Variants in PAMR1 observed in about 807,000 individuals in gnomAD.
PAMR1 encodes the protein peptidase domain containing associated with muscle regeneration 1.
Under a neutral mutation model 81.8 loss-of-function variants are expected in PAMR1, and 88 were observed. The observed-to-expected ratio is 1.08, with a 90% confidence interval of 0.91 to 1.28. The LOEUF is 1.28. Among genes scored for constraint, PAMR1 ranks in the 50% most tolerant of loss-of-function variants. PAMR1 has a pLI of 0.00. For synonymous variants in PAMR1, 336 were observed against 345.3 expected (o/e 0.97, Z 0.30); for missense variants, 935 against 919.7 (o/e 1.02, Z -0.21).
intron 3 of PAMR1, among the ~76,000 whole-genome samples, chr11:35,488,202 T>C (rs1850547074): frequency 6.8e-6 from 1 of 146,010 alleles, no homozygotes; most frequent in Non-Finnish European, 1.5e-5. Flanking sequence ...CCCATCTTTT[T>C]TTTTTTTTTT....
At chr11:35,458,432 G>A (rs1856580176) in intron 6 of PAMR1, among the ~76,000 whole-genome samples, 1 of 152,140 alleles carries the variant, frequency 6.6e-6, no homozygotes, top group Admixed American at 6.6e-5. Flanking sequence ...TACAAAACAT[G>A]TATTTCTTTT....
chr11:35,499,042 G>A (rs921116450), intron 1 of PAMR1, among the ~76,000 whole-genome samples: 4 of 152,202 alleles, frequency 2.6e-5, no homozygotes, highest in African/African-American at 7.2e-5. Flanking sequence ...GCCAGGGCAG[G>A]GCTGGCTGGC....
upstream of PAMR1, among the ~76,000 whole-genome samples, chr11:35,528,000 C>T (rs1475926921): frequency 6.6e-6 from 1 of 151,998 alleles, no homozygotes; most frequent in East Asian, 1.9e-4. Flanking sequence ...CTTCCCTCTC[C>T]CCACCTCCCA....
chr11:35,444,076 G>A (rs1856240450), intron 6 of PAMR1, among the ~76,000 whole-genome samples: 1 of 152,182 alleles, frequency 6.6e-6, no homozygotes, highest in Non-Finnish European at 1.5e-5. Context: ...GAGGCATCAT[G>A]CTAACTGACT....
intron 1 of PAMR1, among the ~76,000 whole-genome samples, chr11:35,521,405 G>A (rs920530280): frequency 6.6e-5 from 10 of 152,108 alleles, no homozygotes; most frequent in African/African-American, 2.2e-4. Flanking sequence ...CAGAAATGGA[G>A]GTCAAAACTT....
intron 1 of PAMR1, among the ~76,000 whole-genome samples, chr11:35,499,686 T>C (rs538437651): frequency 6.6e-6 from 1 of 152,272 alleles, no homozygotes; most frequent in East Asian, 1.9e-4. Context: ...TTTACTCCAT[T>C]ACTGTTTACT....
chr11:35,485,601 A>C (rs1565347645), intron 3 of PAMR1, among the ~76,000 whole-genome samples: 1 of 152,246 alleles, frequency 6.6e-6, no homozygotes. Context: ...TTATGCATGA[A>C]TCAATTCCAT....
chr11:35,446,283 AC>A (rs1438022110), intron 6 of PAMR1, among the ~76,000 whole-genome samples: 1 of 152,176 alleles, frequency 6.6e-6, no homozygotes, highest in Non-Finnish European at 1.5e-5. Flanking sequence ...TATTCAAAAA[AC>A]CAGCTCCTGG....
chr11:35,490,782 A>T (rs115066445), intron 3 of PAMR1, among the ~76,000 whole-genome samples: 2 of 152,074 alleles, frequency 1.3e-5, no homozygotes, highest in Non-Finnish European at 2.9e-5. Context: ...ACATTATCTC[A>T]TTTAATCCTC....
At chr11:35,449,158 T>C (rs1856358873) in intron 6 of PAMR1, among the ~76,000 whole-genome samples, 1 of 152,218 alleles carries the variant, frequency 6.6e-6, no homozygotes, top group Non-Finnish European at 1.5e-5. Flanking sequence ...TGGCTGCCCC[T>C]TGGCAGAGCA....
chr11:35,481,173 C>A (rs1850383560), intron 3 of PAMR1, among the ~76,000 whole-genome samples: 3 of 152,286 alleles, frequency 2.0e-5, no homozygotes, highest in African/African-American at 7.2e-5. Context: ...CATACATGTG[C>A]ATATGTCTCT....
chr11:35,492,400 G>C, intron 2 of PAMR1, among the ~76,000 whole-genome samples: 1 of 152,188 alleles, frequency 6.6e-6, no homozygotes, highest in East Asian at 1.9e-4. Flanking sequence ...GAGTATCCCA[G>C]GTAGTGGCTG....
At chr11:35,460,986 C>G (rs1404834714) in intron 6 of PAMR1, among the ~76,000 whole-genome samples, 1 of 152,190 alleles carries the variant, frequency 6.6e-6, no homozygotes, top group Admixed American at 6.5e-5. Context: ...TGTTTCCTGA[C>G]TTTTTAATGA....
At chr11:35,519,988 G>A (rs1390175071) in intron 1 of PAMR1, among the ~76,000 whole-genome samples, 2 of 152,058 alleles carry the variant, frequency 1.3e-5, no homozygotes, top group Non-Finnish European at 2.9e-5. Flanking sequence ...ATGAAGTGGG[G>A]GCAAACAACA....
chr11:35,454,412 T>G (rs144255684), intron 6 of PAMR1, among the ~76,000 whole-genome samples: 239 of 152,304 alleles, frequency 1.6e-3, no homozygotes, highest in African/African-American at 5.4e-3. Flanking sequence ...GAGGTGTAAT[T>G]TATACCCCTC....
At chr11:35,469,247 T>A (rs372246504) in intron 5 of PAMR1, among the ~76,000 whole-genome samples, 1 of 152,132 alleles carries the variant, frequency 6.6e-6, no homozygotes, top group Non-Finnish European at 1.5e-5. Context: ...CAGGGATGTT[T>A]GAAAAATGGG....
At chr11:35,484,103 A>G (rs942591763) in intron 3 of PAMR1, among the ~76,000 whole-genome samples, 1 of 152,182 alleles carries the variant, frequency 6.6e-6, no homozygotes, top group Non-Finnish European at 1.5e-5. Flanking sequence ...AGCACTTACT[A>G]TATACCAGAC....
chr11:35,518,184 A>T (rs1371738009), intron 1 of PAMR1, among the ~76,000 whole-genome samples: 6 of 145,788 alleles, frequency 4.1e-5, no homozygotes, highest in African/African-American at 1.6e-4. Context: ...CAGACCAAAA[A>T]GTGTTGTAAT....
chr11:35,456,065 C>A (rs891678315), intron 6 of PAMR1, among the ~76,000 whole-genome samples: 10 of 152,066 alleles, frequency 6.6e-5, no homozygotes, highest in African/African-American at 2.4e-4. Flanking sequence ...TTCTTTGGGC[C>A]AACTCAATTC....
Sources: allele counts gnomAD v4.1 joint callset (sites outside exome capture counted in the v4.1 genomes callset), GRCh38; gene constraint gnomAD v4.1.1; transcripts MANE v1.5; gene names NCBI Gene and HGNC (gene_info 2026-07-23, HGNC 2026-07-21).